VDAC1: variants seen among roughly 807,000 people sequenced by gnomAD.
VDAC1 encodes non-selective voltage-gated ion channel VDAC1.
A neutral mutation model predicts 34.7 loss-of-function variants in VDAC1; 10 were observed. That is an observed-to-expected ratio of 0.29 (90% CI 0.18 to 0.49). The LOEUF (loss-of-function observed/expected upper bound fraction) is 0.49, where lower values mean the gene tolerates loss of function less well. Ranked by LOEUF, VDAC1 falls within the 20% of genes least tolerant of loss-of-function variation. The pLI is 0.99. For missense variants in VDAC1, 230 were observed against 347.9 expected (o/e 0.66, Z 2.69); for synonymous variants, 130 against 136.0 (o/e 0.96, Z 0.30).
chr5:134,067,487 T>A, the VDAC1 span, among the ~76,000 whole-genome samples: 1 of 151,086 alleles, frequency 6.6e-6, no homozygotes, highest in South Asian at 2.1e-4. Context: ...TTAGTAGTTG[T>A]CTTTACATTT....
At chr5:134,102,543 C>T in the VDAC1 span, among the ~76,000 whole-genome samples, 1 of 152,004 alleles carries the variant, frequency 6.6e-6, no homozygotes, top group Non-Finnish European at 1.5e-5. Flanking sequence ...TGGCGCAAAC[C>T]TGTAATCCCA....
chr5:133,979,708 G>A lies in VDAC1; in HGVS notation c.551+1021C>T, dbSNP rs369883945. 1.7e-3 allele frequency among the ~76,000 whole-genome samples: 259 copies of A among 152,166 alleles called. 2 individuals carry two copies. The highest frequency in any genetic ancestry group is 6.0e-3 in the African/African-American group (250 of 41,528). On this transcript the variant is annotated intron_variant, in intron 6 of 8. Transcript: ENST00000265333. Reference sequence around the variant, plus strand: ...CTCCCAAAGTGCTGGGATTACAGGCGTGAGCCACGACGCCCGGCCAAAATG... The same window carrying A: ...CTCCCAAAGTGCTGGGATTACAGGCATGAGCCACGACGCCCGGCCAAAATG...
the VDAC1 span, among the ~76,000 whole-genome samples, chr5:134,058,970 C>T: frequency 1.3e-5 from 2 of 152,240 alleles, no homozygotes; most frequent in Non-Finnish European, 2.9e-5. Context: ...CCTCCTCATG[C>T]CCGCGTGCCA....
the VDAC1 span, among the ~76,000 whole-genome samples, chr5:134,068,966 C>CTGTGTGTGTGTGTGTGTGTG: frequency 6.6e-5 from 9 of 136,610 alleles, no homozygotes; most frequent in South Asian, 2.5e-4. Flanking sequence ...TGGGAGGTGA[C>CTGTGTGTGTGTGTGTGTGTG]TGTGTGTGTG....
the VDAC1 span, among the ~76,000 whole-genome samples, chr5:134,055,588 GTTTTTTTTTTTTTTT>G: frequency 6.7e-5 from 4 of 59,626 alleles, no homozygotes; most frequent in South Asian, 9.9e-4. Flanking sequence ...CCCCGCTAAT[GTTTTTTTTTTTTTTT>G]TTTTTTTTTT....
chr5:133,989,498 T>A (rs1469261170), intron 5 of VDAC1, among the ~76,000 whole-genome samples: 2 of 151,978 alleles, frequency 1.3e-5, no homozygotes, highest in Non-Finnish European at 2.9e-5. Flanking sequence ...TATCTGGGAC[T>A]ACAGGCACGC....
At chr5:134,001,734 AAG>A (rs1214599291) in intron 1 of VDAC1, among the ~76,000 whole-genome samples, 6 of 148,932 alleles carry the variant, frequency 4.0e-5, no homozygotes, top group Non-Finnish European at 7.4e-5. Context: ...AAAAAAAAAA[AAG>A]AGAGAGAGAA....
At chr5:134,026,029 C>A in the VDAC1 span, among the ~76,000 whole-genome samples, 4 of 152,220 alleles carry the variant, frequency 2.6e-5, no homozygotes, top group African/African-American at 7.2e-5. Context: ...GAATCACCAC[C>A]AGTCTGGCCA....
chr5:133,996,056 T>C (rs955514492), intron 1 of VDAC1, among the ~76,000 whole-genome samples: 1 of 152,198 alleles, frequency 6.6e-6, no homozygotes, highest in East Asian at 1.9e-4. Flanking sequence ...AGGCTGCGCA[T>C]GAAGCAGGGC....
chr5:134,002,692 T>C (rs562815824), intron 1 of VDAC1, among the ~76,000 whole-genome samples: 10 of 152,294 alleles, frequency 6.6e-5, no homozygotes, highest in Admixed American at 5.9e-4. Context: ...GGACCGGGCA[T>C]GGTGGCTCAC....
At chr5:134,017,787 A>G in the VDAC1 span, among the ~76,000 whole-genome samples, 4 of 151,710 alleles carry the variant, frequency 2.6e-5, no homozygotes. Flanking sequence ...GTGGCAGGCG[A>G]CTGTAGTCCC....
At chr5:134,041,729 C>A in the VDAC1 span, among the ~76,000 whole-genome samples, 4 of 152,208 alleles carry the variant, frequency 2.6e-5, no homozygotes, top group African/African-American at 9.6e-5. Flanking sequence ...GCCTTCCACA[C>A]AGGGCGCTTT....
At chr5:134,066,019 T>C in the VDAC1 span, among the ~76,000 whole-genome samples, 1 of 152,062 alleles carries the variant, frequency 6.6e-6, no homozygotes, top group Non-Finnish European at 1.5e-5. Context: ...GGTCTCGAAC[T>C]CCTGACCTCA....
chr5:134,085,722 T>TAAAAAAAAAAA, the VDAC1 span, among the ~76,000 whole-genome samples: 6,800 of 44,146 alleles, frequency 0.15, 1,647 homozygotes, highest in East Asian at 0.21. Flanking sequence ...ACCCCATTTC[T>TAAAAAAAAAAA]AAAAAAAAAA....
chr5:134,033,180 C>T, the VDAC1 span, among the ~76,000 whole-genome samples: 3 of 128,106 alleles, frequency 2.3e-5, no homozygotes, highest in South Asian at 2.5e-4. Flanking sequence ...TTTTTTGAGA[C>T]GGCGTCTGGC....
chr5:134,077,275 TCAAAA>T, the VDAC1 span, among the ~76,000 whole-genome samples: 1 of 41,988 alleles, frequency 2.4e-5, no homozygotes, highest in South Asian at 5.3e-4. Flanking sequence ...AGACTCCATC[TCAAAA>T]AAAAAAAAAA....
chr5:134,088,908 A>C, the VDAC1 span, among the ~76,000 whole-genome samples: 1 of 152,210 alleles, frequency 6.6e-6, no homozygotes, highest in Non-Finnish European at 1.5e-5. Context: ...AATCACACAC[A>C]TCCATTCAGC....
the VDAC1 span, among the ~76,000 whole-genome samples, chr5:134,051,843 C>A: frequency 2.0e-5 from 3 of 151,972 alleles, no homozygotes; most frequent in Non-Finnish European, 4.4e-5. Context: ...GGATTACAGG[C>A]ACCTGTCATC....
chr5:134,062,015 G>C, the VDAC1 span, among the ~76,000 whole-genome samples: 1 of 151,512 alleles, frequency 6.6e-6, no homozygotes, highest in Non-Finnish European at 1.5e-5. Flanking sequence ...GTCTTGCTCT[G>C]TCGTCCAGGC....
Sources: gnomAD v4.1 joint callset for allele counts (sites outside exome capture counted in the v4.1 genomes callset) on GRCh38, gnomAD v4.1.1 for gene constraint, MANE v1.5 for transcripts, NCBI Gene and HGNC (gene_info 2026-07-23, HGNC 2026-07-21) for gene names.